Variants in HHIPL2 observed in about 807,000 individuals in gnomAD.
The protein encoded by HHIPL2 is HHIP like 2.
In HHIPL2, 61 loss-of-function variants were observed where a neutral mutation model predicts 61.0. The ratio of observed to expected loss-of-function variants is 1.00; its 90% CI spans 0.81 to 1.24. The LOEUF (loss-of-function observed/expected upper bound fraction) is 1.24, where lower values mean the gene tolerates loss of function less well. Ranked by LOEUF, HHIPL2 falls within the 50% of genes most tolerant of loss-of-function variation. HHIPL2 has a pLI of 0.00. For missense variants in HHIPL2, 885 were observed against 910.2 expected (o/e 0.97, Z 0.36); for synonymous variants, 343 against 357.4 (o/e 0.96, Z 0.45).
intron 6 of HHIPL2, among the ~76,000 whole-genome samples, chr1:222,528,820 A>AT (rs59113896): frequency 0.26 from 33,785 of 128,652 alleles, 4,661 homozygotes; most frequent in Non-Finnish European, 0.29. Context: ...TAAACAACTA[A>AT]TTTTTTTTTT....
Position 222,543,870 on chromosome 1 carries a change from T to C in HHIPL2, c.641A>G (p.Asn214Ser). The change falls in exon 2 of 9, where the codon AAC becomes AGC. Residue 214 changes from asparagine to serine, a missense_variant. Asn to Ser is a conservative substitution (Grantham distance 46, BLOSUM62 1). Transcript: ENST00000343410. ...CATGGAGACGGGGTTCCTCAGCCCG[T>C]TGGCCACCTCGCTCAGGCAGAGCTG... The part of the protein sequence containing the change: ...CLQLCLSEVA[N>S]GLRNPVSMVH... 1.9e-6 allele frequency: 3 copies of C among 1,614,170 alleles called. No homozygotes were observed. Among genetic ancestry groups the C allele is most frequent in the South Asian group, 2.2e-5 (2 of 91,082 alleles).
intron 1 of HHIPL2, among the ~76,000 whole-genome samples, chr1:222,546,840 G>A (rs572321209): frequency 1.5e-4 from 23 of 152,190 alleles, no homozygotes; most frequent in Admixed American, 6.5e-5. Flanking sequence ...GAACAGTGGC[G>A]CCAGGAGTCA....
At chr1:222,523,268 C>T (rs1558125013) in intron 8 of HHIPL2, among the ~76,000 whole-genome samples, 2 of 152,204 alleles carry the variant, frequency 1.3e-5, no homozygotes, top group South Asian at 2.1e-4. Flanking sequence ...TGAACTCCTA[C>T]ATGTCATAGG....
In HHIPL2 at chr1:222,538,746, G is replaced by GCCATAAGCATAGATTGGCA. The variant is rs1365331199; in HGVS notation, c.1460_1478dup (p.His494AlafsTer23). The GCCATAAGCATAGATTGGCA allele has an allele frequency of 6.2e-7, 1 of 1,613,936 alleles. No individual in the cohort carries two copies. Among genetic ancestry groups the GCCATAAGCATAGATTGGCA allele is most frequent in the Non-Finnish European group, 8.5e-7 (1 of 1,179,946 alleles). On this transcript the variant is annotated frameshift_variant, in exon 5 of 9. Coordinates refer to ENST00000343410, the MANE Select transcript of HHIPL2 (RefSeq NM_024746.4). LOFTEE classifies it high-confidence loss of function. ...CAGTGACTGACTTCCCCACTGCATG[G>GCCATAAGCATAGATTGGCA]CCATAAGCATAGATTGGCAGAACAT...
chr1:222,541,124 G>A (rs1659423357), intron 3 of HHIPL2, among the ~76,000 whole-genome samples: 1 of 152,192 alleles, frequency 6.6e-6, no homozygotes, highest in South Asian at 2.1e-4. Context: ...TGGTTGTGAT[G>A]TAAGGGTTAA....
chr1:222,528,597 C>T (rs1050187346), intron 6 of HHIPL2, among the ~76,000 whole-genome samples: 2 of 151,730 alleles, frequency 1.3e-5, no homozygotes, highest in Admixed American at 6.6e-5. Context: ...GGCAACAGAG[C>T]GAGACTCCGT....
At chr1:222,540,423 C>A (rs998340149) in intron 3 of HHIPL2, 82 bp from the exon 4 acceptor site, 10 of 1,102,664 alleles carry the variant, frequency 9.1e-6, no homozygotes, top group Non-Finnish European at 1.3e-5. Context: ...GAAGGGCCGA[C>A]TCATAGCTGA....
At chr1:222,527,131 A>C (rs1659086168) in intron 6 of HHIPL2, 81 bp from the exon 7 acceptor site, 9 of 1,100,416 alleles carry the variant, frequency 8.2e-6, no homozygotes, top group Non-Finnish European at 1.1e-5. Context: ...GAAAATGGTC[A>C]AAAAGAGGTT....
At position 222,522,439 on chromosome 1, in the gene HHIPL2, T is replaced by A; in HGVS notation, c.*162A>T. The A allele has an allele frequency of 5.7e-6, 4 of 703,634 alleles. No individual in the cohort carries two copies. Among genetic ancestry groups the A allele is most frequent in the South Asian group, 3.5e-5 (2 of 56,642 alleles). 43.6% of individuals were successfully genotyped at this position (703,634 alleles called of 1,614,324 possible). On this transcript the variant is annotated 3_prime_UTR_variant, in exon 9 of 9. Coordinates refer to ENST00000343410, the MANE Select transcript of HHIPL2 (RefSeq NM_024746.4). The stretch of plus-strand genomic sequence containing the variant: ...CTGCATACAGAGAAGGTGCATTTAT[T>A]TATTCAGTAGACAGCAAGATTTCCC...
intron 5 of HHIPL2, among the ~76,000 whole-genome samples, chr1:222,535,289 C>T (rs943867490): frequency 3.3e-5 from 5 of 152,124 alleles, no homozygotes; most frequent in Admixed American, 1.3e-4. Context: ...CAATTCATCA[C>T]TATAGACCCC....
intron 2 of HHIPL2, among the ~76,000 whole-genome samples, chr1:222,542,536 T>TTTTTC (rs1349899703): frequency 4.1e-5 from 6 of 145,462 alleles, no homozygotes; most frequent in Non-Finnish European, 9.1e-5. Flanking sequence ...GGCTTTTTTT[T>TTTTTC]TTTTTTTTTT....
Position 222,526,981 on chromosome 1 carries a change from A to G in HHIPL2, c.1793T>C (p.Val598Ala). 1.5e-5 allele frequency: 25 copies of G among 1,613,378 alleles called. No individual in the cohort carries two copies. The highest frequency in any genetic ancestry group is 2.0e-5 in the Non-Finnish European group (24 of 1,179,630). ...CATCAAATCTCACCTTGAGGGGTCA[A>G]CAAACTTGTAAATAGATCCACGTGG... ...YAPRGSIYKF[V>A]DPSRRAPPGK... is the part of the protein sequence containing the mutation. The change falls in exon 7 of 9, where the codon GTT (valine) becomes GCT (alanine). Residue 598 changes from valine to alanine, a missense_variant. Transcript: ENST00000343410.
chr1:222,530,987 G>C (rs1197062903), intron 6 of HHIPL2, among the ~76,000 whole-genome samples: 1 of 152,040 alleles, frequency 6.6e-6, no homozygotes, highest in Non-Finnish European at 1.5e-5. Flanking sequence ...CTTATGTAAA[G>C]CTGAAGTTAA....
At chr1:222,531,827 C>T (rs373473059) in intron 6 of HHIPL2, 139 bp downstream of exon 6, 13 of 647,198 alleles carry the variant, frequency 2.0e-5, no homozygotes, top group African/African-American at 1.8e-4. Context: ...GAATAGTATC[C>T]AGTACATTAT....
At chr1:222,538,829 A>C in intron 4 of HHIPL2, 55 bp from the exon 5 acceptor site, 1 of 1,588,434 alleles carries the variant, frequency 6.3e-7, no homozygotes, top group South Asian at 1.1e-5. Flanking sequence ...TGAAAGCTTC[A>C]AGGAGGAAGA....
At position 222,527,794 on chromosome 1, in the gene HHIPL2, T is replaced by C. The variant is rs1571764791; in HGVS notation, c.1724-744A>G. 2.0e-5 allele frequency among the ~76,000 whole-genome samples: 3 copies of C among 152,280 alleles called. No individual in the cohort carries two copies. In the East Asian group the frequency reaches 5.8e-4, roughly 29 times the overall value. On this transcript the variant is annotated intron_variant, in intron 6 of 8. Transcript: ENST00000343410. ...AATAAGTCTCATGAGCTCCGATGGTTTTATATAGTTTTATAAGAGGAAATC... is the reference window on the plus strand; with the variant it reads ...AATAAGTCTCATGAGCTCCGATGGTCTTATATAGTTTTATAAGAGGAAATC...
intron 1 of HHIPL2, among the ~76,000 whole-genome samples, chr1:222,547,483 C>T (rs910907877): frequency 2.0e-5 from 3 of 152,126 alleles, no homozygotes; most frequent in African/African-American, 7.2e-5. Flanking sequence ...TCTCATTCTC[C>T]TGGAGCCTGG....
chr1:222,531,519 G>A (rs189456794), intron 6 of HHIPL2, among the ~76,000 whole-genome samples: 1,719 of 152,174 alleles, frequency 0.011, 24 homozygotes, highest in Non-Finnish European at 0.014. Context: ...AGGCTGAGGC[G>A]GGCAGATCAC....
intron 4 of HHIPL2, among the ~76,000 whole-genome samples, chr1:222,539,218 A>G (rs538601471): frequency 6.6e-6 from 1 of 152,222 alleles, no homozygotes; most frequent in Non-Finnish European, 1.5e-5. Flanking sequence ...TCTAAAGTAC[A>G]CCTTGATTAT....
Sources: allele counts gnomAD v4.1 joint callset (sites outside exome capture counted in the v4.1 genomes callset), GRCh38; gene constraint gnomAD v4.1.1; transcripts MANE v1.5; gene names NCBI Gene and HGNC (gene_info 2026-07-23, HGNC 2026-07-21).